MICU1: variants seen among roughly 807,000 people sequenced by gnomAD.
MICU1 encodes the protein mitochondrial calcium uptake 1.
A neutral mutation model predicts 56.8 loss-of-function variants in MICU1; 45 were observed. The ratio of observed to expected loss-of-function variants is 0.79; its 90% CI spans 0.62 to 1.02. MICU1 has a LOEUF of 1.02. Among genes scored for constraint, MICU1 ranks in the 50% least tolerant of loss-of-function variants. The probability of loss-of-function intolerance (pLI) is 0.00; values close to 1 mark genes in which losing one functional copy is unlikely to be tolerated. For synonymous variants in MICU1, 186 were observed against 195.1 expected (o/e 0.95, Z 0.39); for missense variants, 504 against 587.1 (o/e 0.86, Z 1.46).
intron 1 of MICU1, among the ~76,000 whole-genome samples, chr10:72,573,267 T>G (rs867444828): frequency 7.9e-5 from 10 of 126,274 alleles, no homozygotes; most frequent in Non-Finnish European, 1.5e-4. Flanking sequence ...TCCAGGAGTT[T>G]GAGACCAGCC....
rs540652820 is a variant in MICU1, at chr10:72,595,699, G to A, written c.-1-28905C>T. 3.0e-4 allele frequency among the ~76,000 whole-genome samples: 46 copies of A among 152,062 alleles called. No individual in the cohort carries two copies. In the South Asian group the frequency reaches 9.1e-3, roughly 30 times the overall value. ...GGAAATAACTTTTTGCTATCTTTAA[G>A]TAAACCTGTGAAGCATGCCACAAAG... is the stretch of plus-strand genomic sequence containing the variant. On this transcript the variant is annotated intron_variant, in intron 1 of 11. Coordinates refer to ENST00000361114, the MANE Select transcript of MICU1 (RefSeq NM_001195518.2).
chr10:72,468,140 G>C (rs1022706517), intron 8 of MICU1, among the ~76,000 whole-genome samples: 2 of 152,176 alleles, frequency 1.3e-5, no homozygotes, highest in East Asian at 3.9e-4. Flanking sequence ...GGGCCAAAAT[G>C]TAACAATTTT....
intron 1 of MICU1, among the ~76,000 whole-genome samples, chr10:72,611,602 A>T (rs1319934359): frequency 6.6e-6 from 1 of 152,004 alleles, no homozygotes; most frequent in Non-Finnish European, 1.5e-5. Flanking sequence ...AAAAACCCTA[A>T]AAAGAAAGCC....
intron 1 of MICU1, among the ~76,000 whole-genome samples, chr10:72,615,447 T>C (rs962278145): frequency 2.6e-5 from 4 of 152,156 alleles, no homozygotes; most frequent in African/African-American, 9.7e-5. Context: ...AATCTTTCTC[T>C]ATTCCTTTTT....
rs572294990 is a variant in MICU1 at position 72,550,324 on chromosome 10, G to C, written c.493+855C>G. Among the ~76,000 whole-genome samples the C allele has an allele frequency of 5.9e-4, 89 of 152,120 alleles. 1 individual carries two copies. In the Middle Eastern group the frequency reaches 0.017, roughly 29 times the overall value. Reference sequence around the variant, plus strand: ...ACATGCCATACAGGTTTATAGTCTAGGAACAATAGGCTATACTATATAGTC... The same window carrying C: ...ACATGCCATACAGGTTTATAGTCTACGAACAATAGGCTATACTATATAGTC... On this transcript the variant is annotated intron_variant, in intron 4 of 11. Coordinates refer to ENST00000361114, the MANE Select transcript of MICU1 (RefSeq NM_001195518.2).
chr10:72,537,183 G>T (rs1243574417), intron 4 of MICU1, among the ~76,000 whole-genome samples: 1 of 152,172 alleles, frequency 6.6e-6, no homozygotes, highest in African/African-American at 2.4e-5. Flanking sequence ...TGAAAGAAAT[G>T]ATTATTTCAC....
At chr10:72,591,023 T>C (rs1032994316) in intron 1 of MICU1, among the ~76,000 whole-genome samples, 3 of 152,042 alleles carry the variant, frequency 2.0e-5, no homozygotes, top group Non-Finnish European at 4.4e-5. Context: ...TTTTGAAACA[T>C]AGATTACTTA....
chr10:72,456,062 C>T (rs923496885), intron 8 of MICU1, among the ~76,000 whole-genome samples: 17 of 152,276 alleles, frequency 1.1e-4, no homozygotes, highest in African/African-American at 4.1e-4. Flanking sequence ...ATTCACTAGA[C>T]TCAAAGCTAA....
At chr10:72,437,913 C>T (rs1181443537) in intron 8 of MICU1, among the ~76,000 whole-genome samples, 3 of 151,932 alleles carry the variant, frequency 2.0e-5, no homozygotes, top group Non-Finnish European at 4.4e-5. Flanking sequence ...CCTTAGAGAC[C>T]TACAAAGAGA....
chr10:72,503,863 T>C (rs921883015), intron 6 of MICU1, among the ~76,000 whole-genome samples: 4 of 110,810 alleles, frequency 3.6e-5, no homozygotes, highest in African/African-American at 1.1e-4. Context: ...CCATTTACAA[T>C]AGACACACAC....
chr10:72,379,748 AG>A lies in MICU1; in HGVS notation c.1181-3877del, dbSNP rs1267227959. Reference sequence around the variant, plus strand: ...TTACAGATGCCATCTCTTCACAGAAAGTTATAGATTATGTTCCATCTCACAT... The same window carrying A: ...TTACAGATGCCATCTCTTCACAGAAATTATAGATTATGTTCCATCTCACAT... On this transcript the variant is annotated intron_variant, in intron 10 of 11. Coordinates refer to ENST00000361114, the MANE Select transcript of MICU1 (RefSeq NM_001195518.2). Among the ~76,000 whole-genome samples, 7 of 152,304 alleles carry A rather than the reference AG, an allele frequency of 4.6e-5. No individual in the cohort carries two copies. The East Asian group carries it at 1.4e-3, about 29-fold the overall frequency.
chr10:72,430,233 A>G (rs572562981), intron 8 of MICU1, among the ~76,000 whole-genome samples: 1 of 152,228 alleles, frequency 6.6e-6, no homozygotes, highest in African/African-American at 2.4e-5. Context: ...TCCCTTCTTG[A>G]AAAAGGCAAG....
intron 1 of MICU1, among the ~76,000 whole-genome samples, chr10:72,583,473 G>T (rs1181154013): frequency 6.6e-6 from 1 of 152,012 alleles, no homozygotes; most frequent in East Asian, 1.9e-4. Flanking sequence ...TAGAGATGGG[G>T]TTTCACCATG....
intron 8 of MICU1, among the ~76,000 whole-genome samples, chr10:72,446,539 G>A (rs977781813): frequency 1.3e-5 from 2 of 152,040 alleles, no homozygotes; most frequent in Admixed American, 6.6e-5. Flanking sequence ...TTTTGGGCTA[G>A]GCTGCTCTCG....
At chr10:72,580,548 C>T (rs566519563) in intron 1 of MICU1, among the ~76,000 whole-genome samples, 1 of 152,318 alleles carries the variant, frequency 6.6e-6, no homozygotes, top group East Asian at 1.9e-4. Context: ...ACGATCTTGG[C>T]TCACCACAAC....
At chr10:72,454,407 T>C (rs1865392239) in intron 8 of MICU1, among the ~76,000 whole-genome samples, 1 of 151,236 alleles carries the variant, frequency 6.6e-6, no homozygotes, top group African/African-American at 2.4e-5. Context: ...TGAGCTGAGA[T>C]CATGCCATTG....
intron 5 of MICU1, among the ~76,000 whole-genome samples, chr10:72,527,422 A>C (rs566909822): frequency 2.8e-4 from 43 of 152,098 alleles, no homozygotes; most frequent in African/African-American, 9.9e-4. Context: ...CCCAGGCTGA[A>C]GTGCAGTAGT....
Position 72,462,631 on chromosome 10 carries a change from T to C in MICU1, c.933+12469A>G, listed in dbSNP as rs77728544. 6.3e-3 allele frequency among the ~76,000 whole-genome samples: 962 copies of C among 152,348 alleles called. 16 individuals are homozygous for C. The highest frequency in any genetic ancestry group is 0.022 in the African/African-American group (913 of 41,582). Reference sequence around the variant, plus strand: ...ATAAATTCATAATCACCTTCTTCTATACTATTTTTCATTTTACTGTATTAC... The same window carrying C: ...ATAAATTCATAATCACCTTCTTCTACACTATTTTTCATTTTACTGTATTAC... On this transcript the variant is annotated intron_variant, in intron 8 of 11. Transcript: ENST00000361114.
intron 1 of MICU1, among the ~76,000 whole-genome samples, chr10:72,577,914 T>C (rs1170064264): frequency 6.6e-6 from 1 of 152,180 alleles, no homozygotes. Context: ...CTGTGAACAT[T>C]GCTGAAATGA....
Sources: gnomAD v4.1 joint callset for allele counts (sites outside exome capture counted in the v4.1 genomes callset) on GRCh38, gnomAD v4.1.1 for gene constraint, MANE v1.5 for transcripts, NCBI Gene and HGNC (gene_info 2026-07-23, HGNC 2026-07-21) for gene names.